TANC1: variants seen among roughly 807,000 people sequenced by gnomAD.
The protein encoded by TANC1 is tetratricopeptide repeat, ankyrin repeat and coiled-coil containing 1, also known as protein TANC1.
TANC1 carries 77 observed loss-of-function variants against 149.7 expected under a neutral mutation model. The ratio of observed to expected loss-of-function variants is 0.51; its 90% CI spans 0.43 to 0.62. The LOEUF is 0.62. TANC1 is among the 20% of genes least tolerant of loss of function. The pLI is 0.00. For missense variants in TANC1, 1,985 were observed against 2,321.8 expected, an observed-to-expected ratio of 0.85 and a Z score of 2.98; for synonymous variants, 854 against 925.0, an observed-to-expected ratio of 0.92 and a Z score of 1.39.
In TANC1 at chr2:159,219,884, G is replaced by A; in HGVS notation, c.3678+17G>A. Reference sequence around the variant, plus strand: ...GCCGAGACTGTGAGTACCAGCAGGTGTTCCCCACCTCCACCTGCATTGGAA... The same window carrying A: ...GCCGAGACTGTGAGTACCAGCAGGTATTCCCCACCTCCACCTGCATTGGAA... On this transcript the variant is annotated intron_variant, in intron 22 of 26. Transcript: ENST00000263635. The A allele has an allele frequency of 6.2e-7, 1 of 1,612,102 alleles. No individual in the cohort carries two copies. The highest frequency in any genetic ancestry group is 1.7e-5 in the Admixed American group (1 of 59,988).
chr2:158,971,593 C>T (rs842070), intron 1 of TANC1, among the ~76,000 whole-genome samples: 1 of 151,920 alleles, frequency 6.6e-6, no homozygotes. Context: ...TTTCTCCCCA[C>T]GTTATGAAAG....
At chr2:159,131,447 T>C (rs994561658) in intron 4 of TANC1, among the ~76,000 whole-genome samples, 1 of 152,072 alleles carries the variant, frequency 6.6e-6, no homozygotes, top group East Asian at 1.9e-4. Flanking sequence ...CCCGCGCCCC[T>C]GCCTTCCGAT....
rs2040831802 is a variant in TANC1 at position 159,043,736 on chromosome 2, T to C, written c.-15-22160T>C. On this transcript the variant is annotated intron_variant, in intron 2 of 26. Transcript: ENST00000263635. ...AGTTTAAGTACAGTTGTCAGAAGTA[T>C]AACTGATAAAATTTTCACATTTTTA... Among the ~76,000 whole-genome samples, 3 of 152,214 alleles carry C rather than the reference T, an allele frequency of 2.0e-5. No homozygotes were observed. The South Asian group carries it at 6.2e-4, about 32-fold the overall frequency.
chr2:159,068,732 T>G (rs2042885396), intron 3 of TANC1, among the ~76,000 whole-genome samples: 2 of 152,206 alleles, frequency 1.3e-5, no homozygotes, highest in African/African-American at 4.8e-5. Flanking sequence ...TTGGTTCTTA[T>G]TCTTTTGAGA....
At chr2:159,113,584 G>A (rs916135276) in intron 4 of TANC1, among the ~76,000 whole-genome samples, 1 of 152,086 alleles carries the variant, frequency 6.6e-6, no homozygotes, top group African/African-American at 2.4e-5. Context: ...CTGAGATTGG[G>A]GTAAATCGCC....
chr2:159,198,858 CCTT>C, intron 18 of TANC1, 114 bp from the exon 19 acceptor site: 1 of 670,084 alleles, frequency 1.5e-6, no homozygotes, highest in Non-Finnish European at 2.7e-6. Flanking sequence ...ATTTTTCTCT[CCTT>C]GGGCAGTGTG....
chr2:159,175,268 G>C (rs910797180), intron 12 of TANC1, 84 bp downstream of exon 12: 1 of 1,120,718 alleles, frequency 8.9e-7, no homozygotes, highest in African/African-American at 1.5e-5. Context: ...GTGGTCAGCC[G>C]GGCTGGGGTA....
At chr2:158,980,201 C>T (rs1397252231) in intron 1 of TANC1, among the ~76,000 whole-genome samples, 3 of 151,918 alleles carry the variant, frequency 2.0e-5, no homozygotes, top group Non-Finnish European at 4.4e-5. Flanking sequence ...TTTTGAGCAC[C>T]CTTAGATCTA....
At chr2:159,202,433 T>C (rs949326486) in intron 19 of TANC1, among the ~76,000 whole-genome samples, 3 of 152,118 alleles carry the variant, frequency 2.0e-5, no homozygotes, top group Non-Finnish European at 4.4e-5. Flanking sequence ...CTCTACTGGT[T>C]TTGGAGAGCA....
At chr2:159,039,125 A>G (rs756841099) in intron 2 of TANC1, among the ~76,000 whole-genome samples, 4 of 152,086 alleles carry the variant, frequency 2.6e-5, no homozygotes, top group Non-Finnish European at 5.9e-5. Context: ...TAGATTTTCT[A>G]GTTTATTTGC....
chr2:159,020,377 G>T (rs1392654363), intron 2 of TANC1, among the ~76,000 whole-genome samples: 1 of 152,178 alleles, frequency 6.6e-6, no homozygotes, highest in Admixed American at 6.5e-5. Flanking sequence ...GCCTCCCGAA[G>T]TGCTGGGATT....
Position 159,186,997 on chromosome 2 carries a change from C to A in TANC1, c.2715C>A (p.Leu905=). 6.2e-7 allele frequency: 1 copy of A among 1,614,224 alleles called. No homozygotes were observed. Among genetic ancestry groups the A allele is most frequent in the South Asian group, 1.1e-5 (1 of 91,080 alleles). ...TEGLSAALAS[L]RNLYTPNVKV... Reference sequence around the variant, plus strand: ...GGCTGTCCGCCGCCCTGGCCTCTCTCAGGAATCTCTATACTCCCAACGTGA... The same window carrying A: ...GGCTGTCCGCCGCCCTGGCCTCTCTAAGGAATCTCTATACTCCCAACGTGA... The change falls in exon 16 of 27, where the codon CTC becomes CTA. Residue 905 remains leucine (L), a synonymous_variant. Transcript: ENST00000263635.
At position 159,042,118 on chromosome 2, in the gene TANC1, G is replaced by A. The variant is rs77720194; in HGVS notation, c.-15-23778G>A. ...CTTCCAGAGAAACCTCCTATTCTCC[G>A]TTCTCATCTTTGAAGTCCTGGTGGG... On this transcript the variant is annotated intron_variant, in intron 2 of 26. Transcript: ENST00000263635. 3.3e-3 allele frequency among the ~76,000 whole-genome samples: 509 copies of A among 152,156 alleles called. 7 individuals carry two copies. The East Asian group carries it at 0.066, about 20-fold the overall frequency.
chr2:159,178,459 C>T, intron 13 of TANC1, 97 bp from the exon 14 acceptor site: 2 of 1,413,268 alleles, frequency 1.4e-6, no homozygotes, highest in East Asian at 4.6e-5. Flanking sequence ...TGAAAATCCT[C>T]CTTGAAACAA....
intron 4 of TANC1, among the ~76,000 whole-genome samples, chr2:159,132,468 AGTTTT>A (rs571738683): frequency 6.6e-6 from 1 of 151,648 alleles, no homozygotes. Flanking sequence ...GGAGGGGTAC[AGTTTT>A]GTTTTGTTTT....
intron 2 of TANC1, among the ~76,000 whole-genome samples, chr2:159,049,298 G>A (rs1327911691): frequency 1.3e-5 from 2 of 152,228 alleles, no homozygotes; most frequent in African/African-American, 4.8e-5. Context: ...GTGACTCACA[G>A]TAGGTCCTTG....
intron 1 of TANC1, among the ~76,000 whole-genome samples, chr2:158,979,051 T>C (rs2034006445): frequency 6.6e-6 from 1 of 152,154 alleles, no homozygotes; most frequent in South Asian, 2.1e-4. Flanking sequence ...AAATGGAATA[T>C]GATATAATTT....
At chr2:159,028,012 C>G (rs1052445925) in intron 2 of TANC1, among the ~76,000 whole-genome samples, 1 of 152,176 alleles carries the variant, frequency 6.6e-6, no homozygotes, top group African/African-American at 2.4e-5. Flanking sequence ...GACCTCATCT[C>G]ATCCTTATTT....
chr2:158,991,616 T>C (rs1022632012), intron 1 of TANC1, among the ~76,000 whole-genome samples: 35 of 151,914 alleles, frequency 2.3e-4, no homozygotes, highest in African/African-American at 7.7e-4. Context: ...TAGCCAGGCG[T>C]GGTGGCGGGG....
Sources: gnomAD v4.1 joint callset for allele counts (sites outside exome capture counted in the v4.1 genomes callset) on GRCh38, gnomAD v4.1.1 for gene constraint, MANE v1.5 for transcripts, NCBI Gene and HGNC (gene_info 2026-07-23, HGNC 2026-07-21) for gene names.